MPP3: variants seen among roughly 807,000 people sequenced by gnomAD.
The protein encoded by MPP3 is MAGUK p55 subfamily member 3.
Under a neutral mutation model 80.7 loss-of-function variants are expected in MPP3, and 48 were observed. The ratio of observed to expected loss-of-function variants is 0.59; its 90% CI spans 0.47 to 0.76. The LOEUF is 0.76. Among genes scored for constraint, MPP3 ranks in the 30% least tolerant of loss-of-function variants. The pLI is 0.00. For missense variants in MPP3, 620 were observed against 763.0 expected, an observed-to-expected ratio of 0.81 and a Z score of 2.21; for synonymous variants, 311 against 297.6, an observed-to-expected ratio of 1.04 and a Z score of -0.46.
intron 16 of MPP3, among the ~76,000 whole-genome samples, chr17:43,811,935 C>T (rs890769445): frequency 2.0e-5 from 3 of 152,180 alleles, no homozygotes; most frequent in African/African-American, 7.2e-5. Flanking sequence ...ACCCCTAGTC[C>T]TAACTTTTAA....
At chr17:43,823,219 C>T (rs1038866425) in intron 10 of MPP3, among the ~76,000 whole-genome samples, 31 of 152,084 alleles carry the variant, frequency 2.0e-4, no homozygotes, top group African/African-American at 7.0e-4. Flanking sequence ...ACAAGGCATT[C>T]GAGGCCATTC....
Position 43,822,419 on chromosome 17 carries a change from T to C in MPP3, c.685-1361A>G, listed in dbSNP as rs17743063. Among the ~76,000 whole-genome samples, 624 of 152,240 alleles carry C rather than the reference T, an allele frequency of 4.1e-3. 2 individuals carry two copies. Among genetic ancestry groups the C allele is most frequent in the Middle Eastern group, 6.8e-3 (2 of 294 alleles). On this transcript the variant is annotated intron_variant, in intron 10 of 19. Transcript: ENST00000398389. ...AACTGGCATGCTTCCTTCCATTCTC[T>C]GCTCAACAGTATGTAATTCATTATG...
chr17:43,815,766 A>C lies in MPP3; in HGVS notation c.1009+272T>G. On this transcript the variant is annotated intron_variant, in intron 14 of 19. Transcript: ENST00000398389. ...ATAAACTCCAATTGCAATGATGGTG[A>C]TAATAGAATTGGTATTAATGTAGGG... is the stretch of plus-strand genomic sequence containing the variant. 6 of 665,066 alleles carry C rather than the reference A, an allele frequency of 9.0e-6. No individual in the cohort carries two copies. In the Middle Eastern group the frequency reaches 1.2e-3, roughly 133 times the overall value. 41.2% of individuals were successfully genotyped at this position (665,066 alleles called of 1,614,324 possible).
At chr17:43,808,524 C>A (rs757712162) in intron 19 of MPP3, among the ~76,000 whole-genome samples, 1 of 152,240 alleles carries the variant, frequency 6.6e-6, no homozygotes, top group African/African-American at 2.4e-5. Flanking sequence ...TTTAGAAATC[C>A]CTTCATTCAC....
chr17:43,816,210 TC>T, intron 13 of MPP3, 131 bp from the exon 14 acceptor site: 1 of 751,528 alleles, frequency 1.3e-6, no homozygotes, highest in Non-Finnish European at 2.1e-6. Context: ...TCAGGGGAAA[TC>T]CCATGTCCTG....
At chr17:43,817,853 A>G (rs2045223289) in intron 12 of MPP3, 193 bp downstream of exon 12, 1 of 418,382 alleles carries the variant, frequency 2.4e-6, no homozygotes, top group East Asian at 5.6e-5. Flanking sequence ...GACTCCAAAT[A>G]TACAAGCTCC....
chr17:43,827,832 C>T lies in MPP3; in HGVS notation c.442G>A (p.Gly148Ser). ...TGCTCGTCCCGCCGGATGGTGGCAC[C>T]CTGAACCCGAGACAGAAGAGACAGG... Reference protein sequence around the residue: ...VRLVKNKEPLGATIRRDEHSG... With the variant: ...VRLVKNKEPLSATIRRDEHSG... The change falls in exon 8 of 20, where the codon GGT becomes AGT. Residue 148 changes from glycine (G) to serine (S), a missense_variant and splice_region_variant. Transcript: ENST00000398389. The T allele has an allele frequency of 6.2e-7, 1 of 1,613,200 alleles. No individual in the cohort carries two copies. Among genetic ancestry groups the T allele is most frequent in the Non-Finnish European group, 8.5e-7 (1 of 1,179,998 alleles).
chr17:43,823,760 G>A (rs1490692712), intron 10 of MPP3, among the ~76,000 whole-genome samples, 171 bp downstream of exon 10: 1 of 152,174 alleles, frequency 6.6e-6, no homozygotes, highest in Non-Finnish European at 1.5e-5. Context: ...ACAAACAAAT[G>A]CATCACTTTG....
intron 14 of MPP3, chr17:43,815,619 A>G (rs1014798581): frequency 9.6e-6 from 3 of 312,420 alleles, no homozygotes; most frequent in Non-Finnish European, 1.8e-5. Context: ...AAAATAACCA[A>G]AAAACAAAAA....
Position 43,821,181 on chromosome 17 carries a change from T to C in MPP3, c.685-123A>G, listed in dbSNP as rs562721439. On this transcript the variant is annotated intron_variant, in intron 10 of 19. Transcript: ENST00000398389. The stretch of plus-strand genomic sequence containing the variant: ...TAGGAGGACCAAGTGGCCTTTCAAA[T>C]AGAAAGCTACTTGGAAATACACTGC... The C allele has an allele frequency of 2.1e-5, 18 of 850,124 alleles. No individual in the cohort carries two copies. The African/African-American group carries it at 2.7e-4, about 13-fold the overall frequency. The allele number at this position is 850,124 out of a possible 1,614,324, so 52.7% of individuals were successfully genotyped here.
At chr17:43,824,064 A>C in intron 9 of MPP3, 59 bp from the exon 10 acceptor site, 1 of 1,244,994 alleles carries the variant, frequency 8.0e-7, no homozygotes, top group South Asian at 1.3e-5. Context: ...CAAGAGTTCA[A>C]CTCCTACTTC....
intron 14 of MPP3, chr17:43,815,701 G>A (rs1394759832): frequency 1.6e-5 from 8 of 490,904 alleles, no homozygotes; most frequent in South Asian, 7.5e-5. Flanking sequence ...CTGGAGAGCC[G>A]CAAACACCCC....
Position 43,825,812 on chromosome 17 carries a change from C to G in MPP3, c.553G>C (p.Glu185Gln). Residue 185 changes from glutamate to glutamine, a missense_variant, in exon 9 of 20, where the codon GAA becomes CAA. Transcript: ENST00000398389. Reference sequence around the variant, plus strand: ...TGCAGGACTGCGATCCCGTTCACTTCTCGGAGCTCATCTCCAACGTGGACC... The same window carrying G: ...TGCAGGACTGCGATCCCGTTCACTTGTCGGAGCTCATCTCCAACGTGGACC... Reference protein sequence around the residue: ...GLVHVGDELREVNGIAVLHKR... With the variant: ...GLVHVGDELRQVNGIAVLHKR... The G allele has an allele frequency of 6.2e-7, 1 of 1,613,318 alleles. No homozygotes were observed. The highest frequency in any genetic ancestry group is 8.5e-7 in the Non-Finnish European group (1 of 1,179,200).
At chr17:43,830,344 A>C (rs2045907202) in intron 5 of MPP3, among the ~76,000 whole-genome samples, 1 of 152,148 alleles carries the variant, frequency 6.6e-6, no homozygotes, top group African/African-American at 2.4e-5. Flanking sequence ...CTTTATGTGG[A>C]TCTTCTCACT....
chr17:43,831,506 C>A, intron 4 of MPP3, 53 bp downstream of exon 4: 3 of 1,442,892 alleles, frequency 2.1e-6, no homozygotes, highest in Admixed American at 1.7e-5. Flanking sequence ...CGGCCACAGA[C>A]AGCTAGAAAG....
At chr17:43,818,223 C>T in intron 11 of MPP3, 113 bp from the exon 12 acceptor site, 1 of 878,960 alleles carries the variant, frequency 1.1e-6, no homozygotes, top group South Asian at 2.2e-5. Context: ...GGTGGGCACA[C>T]ACTGGACACT....
rs1033129019 is a variant in MPP3 at position 43,829,755 on chromosome 17, T to G, written c.340A>C (p.Asn114His). The change falls in exon 7 of 20, where the codon AAT (asparagine) becomes CAT (histidine). Residue 114 changes from asparagine to histidine, a missense_variant. Coordinates refer to ENST00000398389, the MANE Select transcript of MPP3 (RefSeq NM_001932.6). ...LMVHDTVAQK[N>H]FDPVLPPLPD... ...AGAGGCGGGAGAACGGGGTCAAAAT[T>G]CTTCTGGGCAACCGTGTCATGTACC... The G allele has an allele frequency of 5.0e-6, 8 of 1,613,698 alleles. No individual in the cohort carries two copies. Among genetic ancestry groups the G allele is most frequent in the Non-Finnish European group, 6.8e-6 (8 of 1,179,982 alleles).
In MPP3 at chr17:43,810,498, C is replaced by T. The variant is rs114298189; in HGVS notation, c.1458+309G>A. 3.8e-3 allele frequency among the ~76,000 whole-genome samples: 584 copies of T among 152,212 alleles called. 2 individuals are homozygous for T. Among genetic ancestry groups the T allele is most frequent in the Middle Eastern group, 0.014 (4 of 294 alleles). ...GGTACTGACATCTAATTCTCTGGCA[C>T]ATTGCAATGGCCAGTCAGCGCCACC... On this transcript the variant is annotated intron_variant, in intron 18 of 19. Transcript: ENST00000398389.
At chr17:43,827,054 T>G (rs2045737219) in intron 8 of MPP3, among the ~76,000 whole-genome samples, 2 of 151,976 alleles carry the variant, frequency 1.3e-5, no homozygotes, top group African/African-American at 4.8e-5. Flanking sequence ...TCACTCTTGT[T>G]GCCCAGGCGG....
Sources: gnomAD v4.1 joint callset for allele counts (sites outside exome capture counted in the v4.1 genomes callset) on GRCh38, gnomAD v4.1.1 for gene constraint, MANE v1.5 for transcripts, NCBI Gene and HGNC (gene_info 2026-07-23, HGNC 2026-07-21) for gene names.